LSP1: variants seen among roughly 807,000 people sequenced by gnomAD.
LSP1 encodes the protein lymphocyte specific protein 1, also known as lymphocyte-specific protein 1.
Under a neutral mutation model 49.3 loss-of-function variants are expected in LSP1, and 32 were observed. The ratio of observed to expected loss-of-function variants is 0.65; its 90% CI spans 0.49 to 0.87. LSP1 has a LOEUF of 0.87. LSP1 is among the 40% of genes least tolerant of loss of function. The pLI, the probability that LSP1 is intolerant of heterozygous loss-of-function variation, is 0.00. For synonymous variants in LSP1, 179 were observed against 178.8 expected (o/e 1.00, Z -0.01); for missense variants, 428 against 442.6 (o/e 0.97, Z 0.30).
At chr11:1,866,550 G>A in intron 1 of LSP1, 1 of 1,544,590 alleles carries the variant, frequency 6.5e-7, no homozygotes, top group East Asian at 2.4e-5. Flanking sequence ...AGGATCTGCA[G>A]TGGGCCCCTG....
chr11:1,854,393 G>C (rs952309667), intron 1 of LSP1, among the ~76,000 whole-genome samples: 1 of 151,978 alleles, frequency 6.6e-6, no homozygotes, highest in Non-Finnish European at 1.5e-5. Context: ...TACCCGACCC[G>C]GGGCGGTGCA....
chr11:1,869,058 G>T, intron 1 of LSP1: 2 of 970,040 alleles, frequency 2.1e-6, no homozygotes, highest in Non-Finnish European at 2.5e-6. Flanking sequence ...GGAGCTTGTG[G>T]GAGAGAAGCC....
chr11:1,853,315 G>A, intron 1 of LSP1, 118 bp downstream of exon 1: 4 of 1,071,360 alleles, frequency 3.7e-6, no homozygotes, highest in Non-Finnish European at 5.2e-6. Context: ...CCCCCAATGG[G>A]AGAACTTGGA....
At chr11:1,886,664 T>TGTGA (rs1365726870) in intron 7 of LSP1, 68 bp from the exon 8 acceptor site, 2 of 1,489,798 alleles carry the variant, frequency 1.3e-6, no homozygotes, top group African/African-American at 2.8e-5. Context: ...GGTTGCCCAG[T>TGTGA]GTGACCCTCT....
In LSP1 at chr11:1,853,088, C is replaced by G. The variant is rs1847400296; in HGVS notation, c.-57C>G. 2.6e-6 allele frequency: 4 copies of G among 1,564,220 alleles called. No homozygotes were observed. The highest frequency in any genetic ancestry group is 3.5e-6 in the Non-Finnish European group (4 of 1,149,048). On this transcript the variant is annotated 5_prime_UTR_variant, in exon 1 of 11. Coordinates refer to ENST00000311604, the MANE Select transcript of LSP1 (RefSeq NM_002339.3). ...CCCCAGAAAGCACTGAAAGCCACAGCACGTACACCCACTCCAGGGATCTGC... is the reference window on the plus strand; with the variant it reads ...CCCCAGAAAGCACTGAAAGCCACAGGACGTACACCCACTCCAGGGATCTGC...
intron 1 of LSP1, among the ~76,000 whole-genome samples, chr11:1,865,431 G>A (rs560642580): frequency 1.1e-3 from 159 of 146,728 alleles, no homozygotes; most frequent in African/African-American, 3.3e-3. Context: ...GTGTGAGTGC[G>A]GAGGCTGCTT....
At chr11:1,889,364 G>A in intron 10 of LSP1, 1 of 712,494 alleles carries the variant, frequency 1.4e-6, no homozygotes, top group South Asian at 1.5e-5. Context: ...CCACTGACAT[G>A]CGGTACAGCA....
intron 7 of LSP1, 143 bp from the exon 8 acceptor site, chr11:1,886,589 G>A (rs1024339393): frequency 3.1e-5 from 28 of 914,570 alleles, no homozygotes; most frequent in Non-Finnish European, 4.3e-5. Flanking sequence ...CATCTTTCCA[G>A]TGATCCCCAC....
At position 1,881,475 on chromosome 11, in the gene LSP1, G is replaced by A. The variant is rs371381465; in HGVS notation, c.235G>A (p.Glu79Lys). The A allele has an allele frequency of 4.6e-5, 72 of 1,580,730 alleles. No individual in the cohort carries two copies. Among genetic ancestry groups the A allele is most frequent in the Non-Finnish European group, 5.5e-5 (64 of 1,162,858 alleles). ...PSEAPELDED[E>K]GFGDWSQRPE... is the part of the protein sequence containing the mutation. The stretch of plus-strand genomic sequence containing the variant: ...GGAGGCCCCTGAACTGGATGAGGAC[G>A]AGGGCTTTGGCGACTGGTCCCAGAG... Residue 79 changes from glutamate (E) to lysine (K), a missense_variant, in exon 3 of 11, where the codon GAG (glutamate) becomes AAG (lysine). Transcript: ENST00000311604.
In LSP1 at chr11:1,868,488, TG is replaced by T. The variant is rs1459893561; in HGVS notation, c.54-11597del. Among the ~76,000 whole-genome samples the T allele has an allele frequency of 2.0e-5, 3 of 152,208 alleles. No homozygotes were observed. In the East Asian group the frequency reaches 5.8e-4, roughly 29 times the overall value. On this transcript the variant is annotated intron_variant, in intron 1 of 10. Coordinates refer to ENST00000311604, the MANE Select transcript of LSP1 (RefSeq NM_002339.3). ...AGGCAGGGACCCACCCTGAGCAGCC[TG>T]GTCCAGGGACCTCTGGGGCTCCTGA...
chr11:1,860,313 A>T (rs1847596069), intron 1 of LSP1, among the ~76,000 whole-genome samples: 1 of 152,072 alleles, frequency 6.6e-6, no homozygotes, highest in Admixed American at 6.6e-5. Context: ...GGATGGGTGG[A>T]TGGATGGAGG....
At chr11:1,855,967 A>AC (rs1847478748) in intron 1 of LSP1, among the ~76,000 whole-genome samples, 1 of 152,278 alleles carries the variant, frequency 6.6e-6, no homozygotes, top group East Asian at 1.9e-4. Flanking sequence ...CTTGGGTTCG[A>AC]CATATCCAGA....
chr11:1,853,300 T>A, intron 1 of LSP1, 103 bp downstream of exon 1: 1 of 1,306,812 alleles, frequency 7.7e-7, no homozygotes, highest in Non-Finnish European at 1.0e-6. Flanking sequence ...ATGGGGAATC[T>A]GGGGCCCCCA....
At chr11:1,855,718 G>A (rs1159487497) in intron 1 of LSP1, among the ~76,000 whole-genome samples, 2 of 152,210 alleles carry the variant, frequency 1.3e-5, no homozygotes, top group Non-Finnish European at 2.9e-5. Flanking sequence ...TCGCCCCGCT[G>A]TCCAGCAGAC....
chr11:1,871,526 C>T (rs575483651), intron 1 of LSP1: 1 of 961,240 alleles, frequency 1.0e-6, no homozygotes, highest in South Asian at 4.8e-5. Flanking sequence ...AATGGGAAGC[C>T]AGGGGTAGAG....
At chr11:1,873,012 G>A (rs1344030091) in intron 1 of LSP1, among the ~76,000 whole-genome samples, 4 of 151,992 alleles carry the variant, frequency 2.6e-5, no homozygotes, top group African/African-American at 9.7e-5. Flanking sequence ...CGGATTGGGT[G>A]GGTAAGGAAC....
At chr11:1,879,483 C>T (rs1244838823) in intron 1 of LSP1, among the ~76,000 whole-genome samples, 4 of 152,216 alleles carry the variant, frequency 2.6e-5, no homozygotes, top group Non-Finnish European at 4.4e-5. Flanking sequence ...CATGAGTCTG[C>T]GGAGCTTCTG....
intron 1 of LSP1, chr11:1,866,439 A>C: frequency 1.4e-6 from 2 of 1,451,394 alleles, no homozygotes; most frequent in Non-Finnish European, 9.1e-7. Context: ...CCTCCTCCCC[A>C]GCTCCCACTT....
chr11:1,870,026 G>A (rs531203504), intron 1 of LSP1: 1 of 399,782 alleles, frequency 2.5e-6, no homozygotes, highest in East Asian at 7.3e-5. Flanking sequence ...GCACCTCCGA[G>A]CCTCCGTTTG....
Sources: allele counts gnomAD v4.1 joint callset (sites outside exome capture counted in the v4.1 genomes callset), GRCh38; gene constraint gnomAD v4.1.1; transcripts MANE v1.5; gene names NCBI Gene and HGNC (gene_info 2026-07-23, HGNC 2026-07-21).